Variants in CARS2 observed in about 807,000 individuals in gnomAD.
CARS2 encodes cysteinyl-tRNA synthetase 2, mitochondrial, also known as probable cysteine--tRNA ligase, mitochondrial.
Under a neutral mutation model 68.8 loss-of-function variants are expected in CARS2, and 52 were observed. The observed-to-expected ratio is 0.76, with a 90% CI of 0.61 to 0.95. CARS2 has a LOEUF of 0.95. CARS2 is among the 40% of genes least tolerant of loss of function. The pLI is 0.00. For missense variants in CARS2, 780 were observed against 754.2 expected (o/e 1.03, Z -0.40); for synonymous variants, 314 against 303.6 (o/e 1.03, Z -0.36).
At chr13:110,703,443 A>C (rs1594428034) in intron 2 of CARS2, among the ~76,000 whole-genome samples, 1 of 152,214 alleles carries the variant, frequency 6.6e-6, no homozygotes, top group Admixed American at 6.5e-5. Context: ...CCAAGCTCCC[A>C]CCAGCCCCTG....
intron 5 of CARS2, 115 bp downstream of exon 5, chr13:110,687,606 G>A (rs1475961193): frequency 7.8e-6 from 5 of 643,000 alleles, no homozygotes; most frequent in East Asian, 5.4e-5. Context: ...TTGAACCAGG[G>A]AGGCAGAGGT....
At chr13:110,697,005 C>T (rs992751361) in intron 3 of CARS2, among the ~76,000 whole-genome samples, 5 of 152,244 alleles carry the variant, frequency 3.3e-5, no homozygotes, top group Admixed American at 3.3e-4. Flanking sequence ...TCCCATGGGG[C>T]TCCCTCCAGA....
Position 110,647,384 on chromosome 13 carries a change from C to T in CARS2, c.1055-145G>A, listed in dbSNP as rs1406323868. The T allele has an allele frequency of 6.1e-6, 6 of 975,650 alleles. No homozygotes were observed. The African/African-American group carries it at 8.2e-5, about 13-fold the overall frequency. 60.4% of individuals were successfully genotyped at this position (975,650 alleles called of 1,614,324 possible). On this transcript the variant is annotated intron_variant, in intron 10 of 14. Transcript: ENST00000257347. ...ATGTGGCTCTCACGCCCTCCAGTGA[C>T]CGCGAGTCCCTAGGCCCACTGGACA...
chr13:110,665,743 G>A lies in CARS2; in HGVS notation c.919+1597C>T. 2.0e-6 allele frequency: 2 copies of A among 985,372 alleles called. No individual in the cohort carries two copies. Among genetic ancestry groups the A allele is most frequent in the Non-Finnish European group, 2.4e-6 (2 of 829,918 alleles). 61.0% of individuals were successfully genotyped at this position (985,372 alleles called of 1,614,324 possible). On this transcript the variant is annotated intron_variant, in intron 8 of 14. Coordinates refer to ENST00000257347, the MANE Select transcript of CARS2 (RefSeq NM_024537.4). The surrounding 1 kb of genome is among the most constrained non-coding windows in gnomAD (Gnocchi z 4.3). ...GAACTGAGCCCTGAACGAAGTCAAC[G>A]AGGAAGTGACTTCGGGGCAATCAGC...
In CARS2 at chr13:110,651,024, C is replaced by T. The variant is rs1337809361; in HGVS notation, c.1054+10G>A. 3.7e-6 allele frequency: 6 copies of T among 1,609,350 alleles called. No homozygotes were observed. In the Admixed American group the frequency reaches 8.4e-5, roughly 22 times the overall value. On this transcript the variant is annotated intron_variant, in intron 10 of 14. Coordinates refer to ENST00000257347, the MANE Select transcript of CARS2 (RefSeq NM_024537.4). ...GGGGGGGGAGTCCACTCCACGTGTG[C>T]TCGGCTCACCTGAGCGGTAGCTGCT...
At chr13:110,657,332 C>T (rs879010013) in intron 9 of CARS2, among the ~76,000 whole-genome samples, 5 of 152,346 alleles carry the variant, frequency 3.3e-5, no homozygotes, top group Admixed American at 2.0e-4. Context: ...CAATCAACAT[C>T]GCAGTGCCCA....
In CARS2 at chr13:110,669,036, T is replaced by C. The variant is rs141446308; in HGVS notation, c.786-1563A>G. Among the ~76,000 whole-genome samples the C allele has an allele frequency of 5.1e-3, 772 of 152,334 alleles. 12 individuals carry two copies. The highest frequency in any genetic ancestry group is 0.05 in the South Asian group (241 of 4,826). ...ATAGAAGTAAAGTGTGACTGGTGAC[T>C]GGACATTTTTACTTTTTTTTCATCA... On this transcript the variant is annotated intron_variant, in intron 7 of 14. Transcript: ENST00000257347.
chr13:110,649,931 C>CTGTTTTTTTTGTTTTTTT (rs1249270267), intron 10 of CARS2, among the ~76,000 whole-genome samples: 2 of 73,184 alleles, frequency 2.7e-5, no homozygotes, highest in East Asian at 8.8e-4. Flanking sequence ...TGGATAACGA[C>CTGTTTTTTTTGTTTTTTT]TTTTTTTTTT....
intron 6 of CARS2, among the ~76,000 whole-genome samples, chr13:110,682,661 T>C (rs1451540910): frequency 2.0e-5 from 3 of 152,126 alleles, no homozygotes; most frequent in East Asian, 1.9e-4. Context: ...TTCAAACAGA[T>C]TGGAAGTTTA....
intron 6 of CARS2, among the ~76,000 whole-genome samples, chr13:110,678,632 T>C (rs2063044295): frequency 6.6e-6 from 1 of 152,166 alleles, no homozygotes; most frequent in Admixed American, 6.5e-5. Context: ...AATAACACCT[T>C]ATGCCGAAGG....
rs572721512 is a variant in CARS2, at chr13:110,645,861, C to T, written c.1317+106G>A. 1.3e-5 allele frequency: 18 copies of T among 1,402,006 alleles called. No individual in the cohort carries two copies. In the East Asian group the frequency reaches 2.2e-4, roughly 17 times the overall value. The allele number at this position is 1,402,006 out of a possible 1,614,324, so 86.8% of individuals were successfully genotyped here. A position where few individuals can be genotyped will look rare whatever the true frequency, so the allele number is the denominator to read the frequency against. Reference sequence around the variant, plus strand: ...GTTCCTCCACAGAAGCTGCGGGAGGCGAAATCAGCAGAGATGCCACCCAGC... The same window carrying T: ...GTTCCTCCACAGAAGCTGCGGGAGGTGAAATCAGCAGAGATGCCACCCAGC... On this transcript the variant is annotated intron_variant, in intron 12 of 14. Coordinates refer to ENST00000257347, the MANE Select transcript of CARS2 (RefSeq NM_024537.4).
Position 110,705,632 on chromosome 13 carries a change from T to A in CARS2, c.225-61A>T. The A allele has an allele frequency of 1.3e-6, 2 of 1,516,800 alleles. No individual in the cohort carries two copies. Among genetic ancestry groups the A allele is most frequent in the Middle Eastern group, 1.7e-4 (1 of 5,884 alleles). The allele number at this position is 1,516,800 out of a possible 1,614,324, so 94.0% of individuals were successfully genotyped here. ...ATTTGCAAGAAAGGACATTCGATTC[T>A]GAGTTATAATGATCATATAATTTTT... On this transcript the variant is annotated intron_variant, in intron 1 of 14. Transcript: ENST00000257347. This position sits in a 1 kb window ranked among gnomAD's most constrained non-coding sequence, Gnocchi z 4.0.
At chr13:110,663,162 T>C in intron 9 of CARS2, 1 of 545,900 alleles carries the variant, frequency 1.8e-6, no homozygotes, top group East Asian at 4.0e-5. Flanking sequence ...AGACAACAAT[T>C]ATAAAAGGAA....
intron 7 of CARS2, among the ~76,000 whole-genome samples, chr13:110,669,593 C>T (rs774355453): frequency 2.6e-5 from 4 of 152,184 alleles, no homozygotes; most frequent in Admixed American, 6.5e-5. Flanking sequence ...TTTCTGGTGC[C>T]GTTTCCAAGA....
chr13:110,666,286 C>T (rs2062645543), intron 8 of CARS2: 1 of 985,312 alleles, frequency 1.0e-6, no homozygotes, highest in East Asian at 1.1e-4. Flanking sequence ...AGAAACTCCA[C>T]CGACACCGGA....
At chr13:110,649,272 G>A (rs2139692818) in intron 10 of CARS2, 1 of 152,404 alleles carries the variant, frequency 6.6e-6, no homozygotes, top group African/African-American at 2.4e-5. Flanking sequence ...ACCCAGGGGA[G>A]AGGTTCAGAC....
rs767243208 is a variant in CARS2, at chr13:110,687,765, A to G, written c.527T>C (p.Ile176Thr). The G allele has an allele frequency of 3.1e-6, 5 of 1,613,422 alleles. No individual in the cohort carries two copies. The East Asian group carries it at 1.1e-4, about 36-fold the overall frequency. ...TENIPQIISFIEGIIARGNAY... is the reference protein window; with the variant it reads ...TENIPQIISFTEGIIARGNAY... ...GTTCCCACGAGCAATGATTCCTTCAATGAAAGAAATTATCTGAGGAATATT... is the reference window on the plus strand; with the variant it reads ...GTTCCCACGAGCAATGATTCCTTCAGTGAAAGAAATTATCTGAGGAATATT... The change falls in exon 5 of 15, where the codon ATT (isoleucine) becomes ACT (threonine). Residue 176 changes from isoleucine to threonine, a missense_variant. Coordinates refer to ENST00000257347, the MANE Select transcript of CARS2 (RefSeq NM_024537.4).
chr13:110,647,015 G>GC, intron 11 of CARS2, 86 bp downstream of exon 11: 1 of 1,432,026 alleles, frequency 7.0e-7, no homozygotes, highest in Non-Finnish European at 9.2e-7. Flanking sequence ...TCTCCTGGGG[G>GC]CCCCTCTTCC....
intron 5 of CARS2, among the ~76,000 whole-genome samples, 170 bp downstream of exon 5, chr13:110,687,551 A>G (rs1413615368): frequency 2.6e-5 from 4 of 151,756 alleles, no homozygotes; most frequent in African/African-American, 7.3e-5. Context: ...GGTGGCACGC[A>G]CCTTGTAGTC....
Sources: allele counts gnomAD v4.1 joint callset (sites outside exome capture counted in the v4.1 genomes callset), GRCh38; gene constraint gnomAD v4.1.1; non-coding constraint Gnocchi (gnomAD v3.1); transcripts MANE v1.5; gene names NCBI Gene and HGNC (gene_info 2026-07-23, HGNC 2026-07-21).